The following SLC9A9 variants were observed in gnomAD, a reference collection of about 807,000 sequenced individuals.
The protein encoded by SLC9A9 is solute carrier family 9 member A9, also known as sodium/hydrogen exchanger 9.
Under a neutral mutation model 77.8 loss-of-function variants are expected in SLC9A9, and 62 were observed. That is an observed-to-expected ratio of 0.80 (90% CI 0.65 to 0.98). SLC9A9 has a LOEUF of 0.98. Ranked by LOEUF, SLC9A9 falls within the 50% of genes least tolerant of loss-of-function variation. The pLI is 0.00. For missense variants in SLC9A9, 775 were observed against 774.9 expected, an observed-to-expected ratio of 1.00 and a Z score of 0.00; for synonymous variants, 320 against 283.5, an observed-to-expected ratio of 1.13 and a Z score of -1.29.
chr3:143,460,987 G>A (rs982148435), intron 12 of SLC9A9, among the ~76,000 whole-genome samples: 2 of 152,058 alleles, frequency 1.3e-5, no homozygotes, highest in African/African-American at 2.4e-5. Flanking sequence ...TGAGTAAACT[G>A]GTTTTCCATG....
At chr3:143,547,711 C>T (rs13071089) in intron 9 of SLC9A9, among the ~76,000 whole-genome samples, 4 of 152,286 alleles carry the variant, frequency 2.6e-5, no homozygotes, top group South Asian at 4.1e-4. Context: ...ATGGCTCCCT[C>T]TTTTACTTTT....
At chr3:143,569,976 CTT>C (rs548388783) in intron 8 of SLC9A9, among the ~76,000 whole-genome samples, 2 of 144,010 alleles carry the variant, frequency 1.4e-5, no homozygotes, top group Admixed American at 7.0e-5. Flanking sequence ...TGACCAGATA[CTT>C]TTTTTTTTTT....
At chr3:143,718,684 G>A (rs1282876342) in intron 4 of SLC9A9, among the ~76,000 whole-genome samples, 2 of 152,078 alleles carry the variant, frequency 1.3e-5, no homozygotes, top group African/African-American at 4.8e-5. Context: ...AGGCTTTTCC[G>A]GCTCAGTTCT....
rs192939786 is a variant in SLC9A9 at position 143,664,326 on chromosome 3, G to C, written c.650-11966C>G. 5.8e-3 allele frequency among the ~76,000 whole-genome samples: 883 copies of C among 152,240 alleles called. 30 individuals are homozygous for C. The highest frequency in any genetic ancestry group is 2.0e-3 in the Non-Finnish European group (134 of 68,020). On this transcript the variant is annotated intron_variant, in intron 5 of 15. Coordinates refer to ENST00000316549, the MANE Select transcript of SLC9A9 (RefSeq NM_173653.4). ...AGCCTGCCTTGCAAAACTCCTAAAGGAAGCAGTAAACATGGAAAGGAACAA... is the reference window on the plus strand; with the variant it reads ...AGCCTGCCTTGCAAAACTCCTAAAGCAAGCAGTAAACATGGAAAGGAACAA...
intron 14 of SLC9A9, among the ~76,000 whole-genome samples, chr3:143,361,782 T>A (rs1157729033): frequency 6.6e-6 from 1 of 152,230 alleles, no homozygotes; most frequent in Non-Finnish European, 1.5e-5. Flanking sequence ...TATGACATCA[T>A]CTGAATTTAG....
intron 4 of SLC9A9, among the ~76,000 whole-genome samples, chr3:143,736,441 G>A (rs1934943385): frequency 6.6e-6 from 1 of 152,076 alleles, no homozygotes; most frequent in Non-Finnish European, 1.5e-5. Flanking sequence ...TTAGGGATTT[G>A]GATTCACAGA....
At chr3:143,303,555 C>T (rs1277856712) in intron 14 of SLC9A9, among the ~76,000 whole-genome samples, 1 of 152,012 alleles carries the variant, frequency 6.6e-6, no homozygotes, top group African/African-American at 2.4e-5. Context: ...TAGGAAGGGC[C>T]AGGTGTCTGG....
intron 4 of SLC9A9, among the ~76,000 whole-genome samples, chr3:143,746,243 T>A (rs1212770386): frequency 6.6e-6 from 1 of 152,156 alleles, no homozygotes; most frequent in South Asian, 2.1e-4. Context: ...AGGCAAAAGA[T>A]AATGGCAGCT....
At chr3:143,650,224 T>C (rs2038774974) in intron 6 of SLC9A9, among the ~76,000 whole-genome samples, 1 of 152,178 alleles carries the variant, frequency 6.6e-6, no homozygotes, top group Non-Finnish European at 1.5e-5. Context: ...ATGCAATGTT[T>C]GAACTTTTAG....
intron 4 of SLC9A9, among the ~76,000 whole-genome samples, chr3:143,749,779 C>T (rs1463060863): frequency 6.6e-6 from 1 of 152,088 alleles, no homozygotes; most frequent in Non-Finnish European, 1.5e-5. Flanking sequence ...TACAGTTATC[C>T]CGGTTTCAAG....
intron 5 of SLC9A9, among the ~76,000 whole-genome samples, chr3:143,657,209 C>T (rs543932379): frequency 3.3e-5 from 5 of 152,208 alleles, no homozygotes; most frequent in Admixed American, 2.0e-4. Flanking sequence ...ATGAGAGAAA[C>T]AATGCCAGAT....
intron 6 of SLC9A9, among the ~76,000 whole-genome samples, chr3:143,593,477 A>C (rs2037692358): frequency 6.6e-6 from 1 of 152,252 alleles, no homozygotes; most frequent in Non-Finnish European, 1.5e-5. Context: ...TGTATTCATT[A>C]AACTTTTATT....
chr3:143,469,457 CAAT>C (rs1241892171), intron 11 of SLC9A9, among the ~76,000 whole-genome samples: 2 of 152,162 alleles, frequency 1.3e-5, no homozygotes, highest in Admixed American at 6.5e-5. Flanking sequence ...TATAAAATCT[CAAT>C]GATCCACTTT....
intron 6 of SLC9A9, among the ~76,000 whole-genome samples, chr3:143,581,658 C>T (rs983974753): frequency 2.2e-4 from 33 of 152,276 alleles, no homozygotes; most frequent in Admixed American, 1.6e-3. Flanking sequence ...TTTAAAAAGG[C>T]GATCATGTTG....
At chr3:143,696,270 T>C (rs937066915) in intron 4 of SLC9A9, among the ~76,000 whole-genome samples, 12 of 152,218 alleles carry the variant, frequency 7.9e-5, no homozygotes, top group African/African-American at 2.7e-4. Context: ...AGGGTTTTTA[T>C]GGTTTTAGGT....
intron 12 of SLC9A9, among the ~76,000 whole-genome samples, chr3:143,436,292 C>T (rs2034621657): frequency 6.6e-6 from 1 of 152,178 alleles, no homozygotes; most frequent in Admixed American, 6.5e-5. Context: ...ACAGGCATGC[C>T]CCCTCTCCTG....
chr3:143,767,679 G>C (rs1027972178), intron 4 of SLC9A9, among the ~76,000 whole-genome samples: 1 of 152,076 alleles, frequency 6.6e-6, no homozygotes, highest in African/African-American at 2.4e-5. Flanking sequence ...TAGCAAGTGT[G>C]TTTGTCTATC....
chr3:143,714,645 A>C (rs939705295), intron 4 of SLC9A9, among the ~76,000 whole-genome samples: 2 of 152,184 alleles, frequency 1.3e-5, no homozygotes, highest in African/African-American at 4.8e-5. Context: ...AAAATACTTA[A>C]CATGGTTATG....
At chr3:143,617,365 C>T (rs2038123679) in intron 6 of SLC9A9, among the ~76,000 whole-genome samples, 1 of 152,154 alleles carries the variant, frequency 6.6e-6, no homozygotes, top group Admixed American at 6.5e-5. Context: ...AACCCTATGG[C>T]CCATAAAGCC....
Sources: allele counts gnomAD v4.1 joint callset (sites outside exome capture counted in the v4.1 genomes callset), GRCh38; gene constraint gnomAD v4.1.1; transcripts MANE v1.5; gene names NCBI Gene and HGNC (gene_info 2026-07-23, HGNC 2026-07-21).